Variants in CCDC178 observed in about 807,000 individuals in gnomAD.
The protein encoded by CCDC178 is coiled-coil domain containing 178.
CCDC178 carries 126 observed loss-of-function variants against 117.4 expected under a neutral mutation model. That is an observed-to-expected ratio of 1.07 (90% CI 0.93 to 1.24). The LOEUF is 1.24. CCDC178 is among the 50% of genes most tolerant of loss of function. The pLI, the probability that CCDC178 is intolerant of heterozygous loss-of-function variation, is 0.00. For missense variants in CCDC178, 1,030 were observed against 986.9 expected (o/e 1.04, Z -0.59); for synonymous variants, 283 against 313.4 (o/e 0.90, Z 1.02).
intron 21 of CCDC178, among the ~76,000 whole-genome samples, chr18:33,070,772 T>C (rs75519434): frequency 6.6e-6 from 1 of 152,082 alleles, no homozygotes; most frequent in African/African-American, 2.4e-5. Context: ...ATATCATATG[T>C]ACCCCATAAA....
At chr18:33,045,865 G>A (rs753024326) in intron 21 of CCDC178, among the ~76,000 whole-genome samples, 10 of 152,044 alleles carry the variant, frequency 6.6e-5, no homozygotes, top group Non-Finnish European at 5.9e-5. Flanking sequence ...TCAGGAGTTC[G>A]AGACCAGCCT....
At chr18:32,945,548 C>A (rs2054325824) in intron 22 of CCDC178, among the ~76,000 whole-genome samples, 1 of 152,116 alleles carries the variant, frequency 6.6e-6, no homozygotes, top group Non-Finnish European at 1.5e-5. Flanking sequence ...AATTTAAAAA[C>A]TAAGGTGTTT....
intron 3 of CCDC178, among the ~76,000 whole-genome samples, chr18:33,398,402 C>A (rs1051836452): frequency 1.3e-5 from 2 of 151,922 alleles, no homozygotes; most frequent in African/African-American, 4.8e-5. Context: ...ACTAGAAAAT[C>A]TACAATTTAC....
chr18:33,292,599 C>A (rs993652403), intron 12 of CCDC178, among the ~76,000 whole-genome samples: 1 of 151,838 alleles, frequency 6.6e-6, no homozygotes, highest in Admixed American at 6.6e-5. Flanking sequence ...TTGAATGTTA[C>A]CAAAACAAAG....
At chr18:33,164,533 A>G (rs2058505255) in intron 20 of CCDC178, among the ~76,000 whole-genome samples, 2 of 152,068 alleles carry the variant, frequency 1.3e-5, no homozygotes, top group South Asian at 4.1e-4. Flanking sequence ...GAAAATATGT[A>G]TTAATTCATT....
At chr18:33,259,252 T>G (rs1162532153) in intron 14 of CCDC178, among the ~76,000 whole-genome samples, 1 of 152,198 alleles carries the variant, frequency 6.6e-6, no homozygotes, top group Admixed American at 6.5e-5. Flanking sequence ...TGGTTTTTAA[T>G]CCCAGGTAAT....
At chr18:33,242,539 A>T (rs2059499755) in intron 15 of CCDC178, among the ~76,000 whole-genome samples, 1 of 151,736 alleles carries the variant, frequency 6.6e-6, no homozygotes, top group Non-Finnish European at 1.5e-5. Context: ...ATACACAAGG[A>T]ACTCAAACAT....
At chr18:33,199,347 C>A (rs1308647184) in intron 20 of CCDC178, among the ~76,000 whole-genome samples, 2 of 152,204 alleles carry the variant, frequency 1.3e-5, no homozygotes, top group Admixed American at 6.5e-5. Flanking sequence ...ACTCAATGGT[C>A]TCCTGGTCAT....
intron 21 of CCDC178, among the ~76,000 whole-genome samples, chr18:33,017,297 T>C (rs1406871631): frequency 2.0e-5 from 3 of 151,952 alleles, no homozygotes; most frequent in Admixed American, 6.6e-5. Context: ...AATTATGTTC[T>C]ATACACTATC....
intron 20 of CCDC178, among the ~76,000 whole-genome samples, chr18:33,197,202 A>G (rs928540836): frequency 1.3e-5 from 2 of 151,876 alleles, no homozygotes; most frequent in African/African-American, 2.4e-5. Context: ...TAATTTTTAA[A>G]AATTTCCATA....
intron 22 of CCDC178, among the ~76,000 whole-genome samples, chr18:32,953,645 C>G (rs973817486): frequency 1.3e-5 from 2 of 152,106 alleles, no homozygotes; most frequent in African/African-American, 4.8e-5. Flanking sequence ...CAGAAATGTT[C>G]TTTTAGAAAT....
At chr18:33,073,532 T>C (rs1567971287) in intron 21 of CCDC178, among the ~76,000 whole-genome samples, 1 of 149,388 alleles carries the variant, frequency 6.7e-6, no homozygotes, top group East Asian at 1.9e-4. Context: ...TCTATCTATC[T>C]ATCTATCTAT....
intron 10 of CCDC178, among the ~76,000 whole-genome samples, chr18:33,325,283 T>C (rs2062568686): frequency 6.6e-6 from 1 of 151,992 alleles, no homozygotes; most frequent in Non-Finnish European, 1.5e-5. Flanking sequence ...TTTGATAAAA[T>C]TCTGTTTTTT....
At chr18:33,059,878 C>T (rs892323724) in intron 21 of CCDC178, among the ~76,000 whole-genome samples, 3 of 152,144 alleles carry the variant, frequency 2.0e-5, no homozygotes, top group Non-Finnish European at 2.9e-5. Flanking sequence ...GAATAAAATT[C>T]AAAGCTATTA....
chr18:33,044,639 T>G (rs567327437), intron 21 of CCDC178, among the ~76,000 whole-genome samples: 2 of 152,008 alleles, frequency 1.3e-5, no homozygotes, highest in Non-Finnish European at 2.9e-5. Flanking sequence ...GAACTAAAAA[T>G]AGAGCTACCA....
chr18:33,299,924 A>G (rs544825612), intron 11 of CCDC178, among the ~76,000 whole-genome samples: 40 of 152,214 alleles, frequency 2.6e-4, no homozygotes, highest in Non-Finnish European at 5.1e-4. Context: ...GATATTATCA[A>G]AAGACAAAAA....
intron 15 of CCDC178, among the ~76,000 whole-genome samples, chr18:33,230,801 A>C (rs546091047): frequency 6.6e-6 from 1 of 152,282 alleles, no homozygotes; most frequent in South Asian, 2.1e-4. Flanking sequence ...TTAGGATTGC[A>C]TGCAATATAT....
At chr18:33,395,921 G>T (rs1308557669) in intron 4 of CCDC178, among the ~76,000 whole-genome samples, 1 of 151,910 alleles carries the variant, frequency 6.6e-6, no homozygotes. Context: ...CATGACCTTG[G>T]ACTAGGATTT....
rs1568037066 is a variant in CCDC178, at chr18:33,179,109, A to AT, written c.2238+32786_2238+32787insA. On this transcript the variant is annotated intron_variant, in intron 20 of 22. Transcript: ENST00000383096. The stretch of plus-strand genomic sequence containing the variant: ...TATATATATATATATATATATATAT[A>AT]AACTATATATATATATATAAACTAT... Among the ~76,000 whole-genome samples the AT allele has an allele frequency of 7.3e-5, 8 of 108,888 alleles. 1 individual carries two copies. The highest frequency in any genetic ancestry group is 3.7e-4 in the African/African-American group (8 of 21,808). The allele number at this position is 108,888 out of a possible 152,430, so 71.4% of individuals were successfully genotyped here. A position where few individuals can be genotyped will look rare whatever the true frequency, so the allele number is the denominator to read the frequency against.
Sources: allele counts gnomAD v4.1 joint callset (sites outside exome capture counted in the v4.1 genomes callset), GRCh38; gene constraint gnomAD v4.1.1; transcripts MANE v1.5; gene names NCBI Gene and HGNC (gene_info 2026-07-23, HGNC 2026-07-21).